ANKRD55: variants seen among roughly 807,000 people sequenced by gnomAD.
ANKRD55 encodes the protein ankyrin repeat domain-containing protein 55.
Under a neutral mutation model 60.6 loss-of-function variants are expected in ANKRD55, and 41 were observed. The ratio of observed to expected loss-of-function variants is 0.68; its 90% CI spans 0.53 to 0.88. The LOEUF (loss-of-function observed/expected upper bound fraction) is 0.88, where lower values mean the gene tolerates loss of function less well. Among genes scored for constraint, ANKRD55 ranks in the 40% least tolerant of loss-of-function variants. The pLI, the probability that ANKRD55 is intolerant of heterozygous loss-of-function variation, is 0.00. For synonymous variants in ANKRD55, 264 were observed against 290.3 expected (o/e 0.91, Z 0.92); for missense variants, 732 against 767.6 (o/e 0.95, Z 0.55).
chr5:56,166,138 CTTT>C (rs1561277777), intron 5 of ANKRD55, among the ~76,000 whole-genome samples: 9 of 98,972 alleles, frequency 9.1e-5, no homozygotes, highest in African/African-American at 5.0e-4. Context: ...TTCTTTCTTT[CTTT>C]CTTTCTTTCT....
intron 2 of ANKRD55, among the ~76,000 whole-genome samples, chr5:56,191,098 T>G (rs1416725064): frequency 1.3e-5 from 2 of 152,208 alleles, no homozygotes; most frequent in African/African-American, 4.8e-5. Flanking sequence ...TACCACACTG[T>G]TTTCATTACT....
chr5:56,105,426 A>G (rs186841621), intron 10 of ANKRD55, among the ~76,000 whole-genome samples: 97 of 152,324 alleles, frequency 6.4e-4, no homozygotes, highest in Non-Finnish European at 5.3e-4. Context: ...AGAAAGAGCC[A>G]TATTTCCTAC....
At chr5:56,156,702 TC>T (rs1158920898) in intron 6 of ANKRD55, among the ~76,000 whole-genome samples, 20 of 152,188 alleles carry the variant, frequency 1.3e-4, no homozygotes, top group African/African-American at 4.8e-4. Context: ...CCACTCCAGC[TC>T]CCTGCTTCGA....
At chr5:56,203,422 GTGCCATGTTGTTGTGCTGCA>G (rs1170795594) in intron 2 of ANKRD55, among the ~76,000 whole-genome samples, 3 of 152,056 alleles carry the variant, frequency 2.0e-5, no homozygotes, top group Non-Finnish European at 4.4e-5. Flanking sequence ...ATGTATACAT[GTGCCATGTTGTTGTGCTGCA>G]CCCATTAACT....
At chr5:56,206,876 TCAGGGATTAGGACAGTGG>T (rs1759524317) in intron 2 of ANKRD55, among the ~76,000 whole-genome samples, 1 of 152,196 alleles carries the variant, frequency 6.6e-6, no homozygotes, top group Non-Finnish European at 1.5e-5. Context: ...GGTACAGCTC[TCAGGGATTAGGACAGTGG>T]CAGGTAGTGT....
chr5:56,198,477 G>T (rs904345602), intron 2 of ANKRD55, among the ~76,000 whole-genome samples: 20 of 151,770 alleles, frequency 1.3e-4, no homozygotes, highest in Non-Finnish European at 2.6e-4. Context: ...TAGAGACGGG[G>T]TTTCACCATG....
chr5:56,157,396 G>A (rs1265154240), intron 6 of ANKRD55, among the ~76,000 whole-genome samples: 1 of 151,776 alleles, frequency 6.6e-6, no homozygotes, highest in African/African-American at 2.4e-5. Flanking sequence ...AGACCTGACC[G>A]TCCACCAGCC....
At chr5:56,137,357 C>T (rs979343887) in intron 7 of ANKRD55, 16 of 1,319,444 alleles carry the variant, frequency 1.2e-5, no homozygotes, top group Non-Finnish European at 1.7e-5. Flanking sequence ...AGATGTGCCC[C>T]TGGACCTACA....
At chr5:56,199,079 C>CG (rs1759297880) in intron 2 of ANKRD55, among the ~76,000 whole-genome samples, 1 of 98,556 alleles carries the variant, frequency 1.0e-5, no homozygotes, top group Non-Finnish European at 1.9e-5. Context: ...GACTCTGTCT[C>CG]AAAACAAACA....
chr5:56,215,937 A>C (rs377237051), intron 2 of ANKRD55, among the ~76,000 whole-genome samples: 5 of 151,604 alleles, frequency 3.3e-5, no homozygotes, highest in East Asian at 1.9e-4. Flanking sequence ...CCTGGCATGG[A>C]GGGTGAATTG....
intron 2 of ANKRD55, among the ~76,000 whole-genome samples, chr5:56,223,929 G>A (rs1278365918): frequency 2.0e-5 from 3 of 152,140 alleles, no homozygotes; most frequent in Admixed American, 6.6e-5. Context: ...ACAGATCCAT[G>A]AGACAGAAAG....
chr5:56,118,172 C>T lies in ANKRD55; in HGVS notation c.798-1390G>A, dbSNP rs572015558. Among the ~76,000 whole-genome samples the T allele has an allele frequency of 9.2e-5, 14 of 151,828 alleles. 1 individual carries two copies. The South Asian group carries it at 2.7e-3, about 29-fold the overall frequency. On this transcript the variant is annotated intron_variant, in intron 8 of 11. Transcript: ENST00000341048. ...AAAAAGAAAAAAGTCCTTCATTGGCCAAAAGGTATAAAAATATTCACCAGT... is the reference window on the plus strand; with the variant it reads ...AAAAAGAAAAAAGTCCTTCATTGGCTAAAAGGTATAAAAATATTCACCAGT...
chr5:56,142,753 C>A (rs6859219), intron 7 of ANKRD55, among the ~76,000 whole-genome samples: 29,394 of 152,174 alleles, frequency 0.19, 3,006 homozygotes, highest in Middle Eastern at 0.31. Context: ...GAGTCCTGGG[C>A]AGAGACTGGC....
chr5:56,223,477 T>C (rs2111892762), intron 2 of ANKRD55, among the ~76,000 whole-genome samples: 1 of 152,318 alleles, frequency 6.6e-6, no homozygotes, highest in South Asian at 2.1e-4. Context: ...AACATCATAA[T>C]GACAGGATCA....
At chr5:56,213,176 T>G (rs538378463) in intron 2 of ANKRD55, among the ~76,000 whole-genome samples, 10 of 152,340 alleles carry the variant, frequency 6.6e-5, no homozygotes, top group Admixed American at 5.9e-4. Context: ...ATGTTTACTC[T>G]CATTTCAATC....
intron 6 of ANKRD55, among the ~76,000 whole-genome samples, chr5:56,144,452 T>C (rs1757848340): frequency 6.6e-6 from 1 of 151,936 alleles, no homozygotes; most frequent in Non-Finnish European, 1.5e-5. Context: ...TTTTCCTCTA[T>C]CTCTAATGCC....
chr5:56,212,971 C>A (rs1482494784), intron 2 of ANKRD55, among the ~76,000 whole-genome samples: 2 of 152,104 alleles, frequency 1.3e-5, no homozygotes, highest in Non-Finnish European at 2.9e-5. Context: ...ATAAACCTCA[C>A]CAAAATATCA....
In ANKRD55 at chr5:56,127,098, A is replaced by G. The variant is rs760643375; in HGVS notation, c.621T>C (p.Asn207=). 6.2e-6 allele frequency: 10 copies of G among 1,607,344 alleles called. No homozygotes were observed. In the South Asian group the frequency reaches 1.1e-4, roughly 18 times the overall value. The change falls in exon 8 of 12, where the codon AAT becomes AAC. Residue 207 remains asparagine (N), a synonymous_variant. Transcript: ENST00000341048. ...TCAGAATGATGGAGCACAGAATCCT[A>G]TTTCCACTCTGGAAAAGAGAGTCAA... The part of the protein sequence containing the change: ...TALHWAVQSG[N]RILCSIILSH...
intron 2 of ANKRD55, among the ~76,000 whole-genome samples, chr5:56,196,415 C>G (rs967403711): frequency 6.6e-6 from 1 of 152,114 alleles, no homozygotes; most frequent in Non-Finnish European, 1.5e-5. Context: ...TAGTATTTAT[C>G]GAGTGCCTAC....
Sources: gnomAD v4.1 joint callset for allele counts (sites outside exome capture counted in the v4.1 genomes callset) on GRCh38, gnomAD v4.1.1 for gene constraint, MANE v1.5 for transcripts, NCBI Gene and HGNC (gene_info 2026-07-23, HGNC 2026-07-21) for gene names.